RPL17: variants seen among roughly 807,000 people sequenced by gnomAD.
The protein encoded by RPL17 is ribosomal protein L17, also known as large ribosomal subunit protein uL22.
RPL17 carries 2 observed loss-of-function variants against 27.7 expected under a neutral mutation model. That is an observed-to-expected ratio of 0.07 (90% CI 0.03 to 0.23). RPL17 has a LOEUF of 0.23. Ranked by LOEUF, RPL17 falls within the 10% of genes least tolerant of loss-of-function variation. The pLI, the probability that RPL17 is intolerant of heterozygous loss-of-function variation, is 1.00. For synonymous variants in RPL17, 76 were observed against 75.5 expected (o/e 1.01, Z -0.03); for missense variants, 141 against 238.8 (o/e 0.59, Z 2.70).
chr18:49,492,178 C>G (rs1271611302), intron 1 of RPL17: 1 of 155,578 alleles, frequency 6.4e-6, no homozygotes, highest in African/African-American at 2.4e-5. Context: ...AGGCGGCCCG[C>G]ACCCCACGGC....
chr18:49,489,670 AT>A, intron 5 of RPL17, 120 bp from the exon 6 acceptor site: 1 of 1,080,456 alleles, frequency 9.3e-7, no homozygotes, highest in African/African-American at 1.6e-5. Flanking sequence ...CAATGAAATC[AT>A]TTTTAAAAGG....
intron 1 of RPL17, chr18:49,491,987 G>T (rs540476136): frequency 8.3e-6 from 3 of 360,680 alleles, no homozygotes; most frequent in Admixed American, 3.8e-5. Flanking sequence ...GCTGCAGGTA[G>T]TGAGTGCCGT....
chr18:49,491,963 C>A (rs1243978095), intron 1 of RPL17: 1 of 373,870 alleles, frequency 2.7e-6, no homozygotes, highest in African/African-American at 2.1e-5. Context: ...TACAGAAACC[C>A]CTTTGCTGTC....
Position 49,491,424 on chromosome 18 carries a change from T to C in RPL17, c.62A>G (p.Asn21Ser), listed in dbSNP as rs1439776845. 5 of 1,614,190 alleles carry C rather than the reference T, an allele frequency of 3.1e-6. No individual in the cohort carries two copies. In the South Asian group the frequency reaches 3.3e-5, roughly 11 times the overall value. The change falls in exon 3 of 7, where the codon AAT (asparagine) becomes AGT (serine). Residue 21 changes from asparagine to serine, a missense_variant. Coordinates refer to ENST00000580261, the MANE Select transcript of RPL17 (RefSeq NM_001035006.5). The part of the protein sequence containing the change: ...PTKSCKSRGS[N>S]LRVHFKNTRE... ...GCATACCTTAAAGTGAACACGAAGA[T>C]TGGAACCTCTTGATTTGCATGCTAG... is the stretch of plus-strand genomic sequence containing the variant.
chr18:49,489,274 A>T, intron 6 of RPL17, 85 bp downstream of exon 6: 2 of 1,445,880 alleles, frequency 1.4e-6, no homozygotes, highest in Non-Finnish European at 9.6e-7. Flanking sequence ...TTTCATAGTT[A>T]TTCCAAAGGT....
At chr18:49,489,979 T>G (rs1179390680) in intron 5 of RPL17, among the ~76,000 whole-genome samples, 3 of 152,256 alleles carry the variant, frequency 2.0e-5, no homozygotes, top group African/African-American at 7.2e-5. Context: ...ATGGAGAAAT[T>G]TGTGTTTTGT....
At chr18:49,490,668 C>G in intron 4 of RPL17, 116 bp from the exon 5 acceptor site, 1 of 1,584,470 alleles carries the variant, frequency 6.3e-7, no homozygotes, top group Non-Finnish European at 8.6e-7. Flanking sequence ...ACCATCAATC[C>G]AAGGTGTCCT....
At chr18:49,490,326 G>T in intron 5 of RPL17, 128 bp downstream of exon 5, 3 of 966,140 alleles carry the variant, frequency 3.1e-6, no homozygotes, top group East Asian at 2.5e-5. Context: ...TGTGGAAACT[G>T]CAGGTAGAAA....
chr18:49,490,156 G>GTTT (rs1275094464), intron 5 of RPL17: 1 of 323,158 alleles, frequency 3.1e-6, no homozygotes, highest in Non-Finnish European at 5.8e-6. Context: ...TCACAAAAAG[G>GTTT]GGTAAAAGCC....
intron 6 of RPL17, chr18:49,489,100 A>G (rs2083871593): frequency 6.1e-6 from 2 of 329,436 alleles, no homozygotes; most frequent in South Asian, 6.6e-5. Context: ...ACGGGGTTTC[A>G]CTGTGTTAGC....
chr18:49,490,662 T>A, intron 4 of RPL17, 110 bp from the exon 5 acceptor site: 1 of 1,587,718 alleles, frequency 6.3e-7, no homozygotes, highest in South Asian at 1.1e-5. Context: ...TATTTCACCA[T>A]CAATCCAAGG....
intron 1 of RPL17, 22 bp from the exon 2 acceptor site, chr18:49,491,606 T>C: frequency 6.2e-7 from 1 of 1,613,750 alleles, no homozygotes; most frequent in Non-Finnish European, 8.5e-7. Flanking sequence ...TACAGTGTAA[T>C]TCTGTCAATA....
At chr18:49,489,653 C>T in intron 5 of RPL17, 103 bp from the exon 6 acceptor site, 5 of 1,237,666 alleles carry the variant, frequency 4.0e-6, no homozygotes, top group Non-Finnish European at 5.6e-6. Context: ...GCTCCAGAGT[C>T]CTGCCTCAAT....
At position 49,491,310 on chromosome 18, in the gene RPL17, G is replaced by T. The variant is rs770390833; in HGVS notation, c.81+95C>A. 2.5e-5 allele frequency: 40 copies of T among 1,572,880 alleles called. No individual in the cohort carries two copies. In the African/African-American group the frequency reaches 5.0e-4, roughly 20 times the overall value. ...TGCTCAGAATTTATTAATTTTCACG[G>T]TAAATCCAAAGGTGTCCTAAGAAAG... On this transcript the variant is annotated intron_variant, in intron 3 of 6. Transcript: ENST00000580261.
rs548043672 is a variant in RPL17, at chr18:49,491,005, C to T, written c.82-78G>A. 15 of 1,588,030 alleles carry T rather than the reference C, an allele frequency of 9.4e-6. No homozygotes were observed. The South Asian group carries it at 1.6e-4, about 17-fold the overall frequency. Reference sequence around the variant, plus strand: ...AAGTAAACGTTAAATTTTCAATTTTCAGCTTTTCAAAATGTCGAGTTATTT... The same window carrying T: ...AAGTAAACGTTAAATTTTCAATTTTTAGCTTTTCAAAATGTCGAGTTATTT... On this transcript the variant is annotated intron_variant, in intron 3 of 6. Coordinates refer to ENST00000580261, the MANE Select transcript of RPL17 (RefSeq NM_001035006.5).
chr18:49,490,307 G>A lies in RPL17; in HGVS notation c.315+147C>T, dbSNP rs1477987839. Reference sequence around the variant, plus strand: ...GACTCAAAAAAAATAAAAGGAAATAGTTTCATTCTGTGGAAACTGCAGGTA... The same window carrying A: ...GACTCAAAAAAAATAAAAGGAAATAATTTCATTCTGTGGAAACTGCAGGTA... On this transcript the variant is annotated intron_variant, in intron 5 of 6. Transcript: ENST00000580261. 3 of 855,892 alleles carry A rather than the reference G, an allele frequency of 3.5e-6. No homozygotes were observed. In the African/African-American group the frequency reaches 5.2e-5, roughly 15 times the overall value. 53.0% of individuals were successfully genotyped at this position (855,892 alleles called of 1,614,324 possible). A position where few individuals can be genotyped will look rare whatever the true frequency, so the allele number is the denominator to read the frequency against.
rs1484167331 is a variant in RPL17, at chr18:49,489,486, C to A, written c.380G>T (p.Arg127Leu). The change falls in exon 6 of 7, where the codon CGC becomes CTC. Residue 127 changes from arginine to leucine, a missense_variant. Arg to Leu is a moderately radical substitution (Grantham distance 102). Transcript: ENST00000580261. ...IQVNKAPKMR[R>L]RTYRAHGRIN... ...CCGACCATGAGCTCTGTAGGTCCGGCGGCGCATCTTAGGTGCTTTGTTCAC... is the reference window on the plus strand; with the variant it reads ...CCGACCATGAGCTCTGTAGGTCCGGAGGCGCATCTTAGGTGCTTTGTTCAC... The A allele has an allele frequency of 6.2e-7, 1 of 1,603,388 alleles. No individual in the cohort carries two copies. Among genetic ancestry groups the A allele is most frequent in the Non-Finnish European group, 8.5e-7 (1 of 1,179,860 alleles).
chr18:49,489,438 G>C lies in RPL17; in HGVS notation c.428C>G (p.Pro143Arg). The C allele has an allele frequency of 6.2e-7, 1 of 1,609,756 alleles. No individual in the cohort carries two copies. Among genetic ancestry groups the C allele is most frequent in the Non-Finnish European group, 8.5e-7 (1 of 1,179,916 alleles). The stretch of plus-strand genomic sequence containing the variant: ...CGTAAGGATCATCTCAATGTGGCAG[G>C]GAGAGCTCATGTATGGGTTAATCCG... Reference protein sequence around the residue: ...HGRINPYMSSPCHIEMILTEK... With the variant: ...HGRINPYMSSRCHIEMILTEK... The change falls in exon 6 of 7, where the codon CCC becomes CGC. Residue 143 changes from proline (P) to arginine (R), a missense_variant. This residue lies in a region of RPL17 where 34 missense variants were observed against 88.8 expected (regional missense o/e 0.38). Coordinates refer to ENST00000580261, the MANE Select transcript of RPL17 (RefSeq NM_001035006.5).
intron 1 of RPL17, 187 bp from the exon 2 acceptor site, chr18:49,491,771 T>C (rs777235210): frequency 2.5e-6 from 2 of 808,290 alleles, no homozygotes; most frequent in Admixed American, 3.4e-5. Context: ...CCTTTTATCT[T>C]CCAGTAACTA....
Sources: gnomAD v4.1 joint callset for allele counts (sites outside exome capture counted in the v4.1 genomes callset) on GRCh38, gnomAD v4.1.1 for gene constraint, gnomAD v4.1.1 regional missense constraint, MANE v1.5 for transcripts, NCBI Gene and HGNC (gene_info 2026-07-23, HGNC 2026-07-21) for gene names.